PRKCE: variants seen among roughly 807,000 people sequenced by gnomAD.
PRKCE encodes the protein protein kinase C epsilon.
A neutral mutation model predicts 85.4 loss-of-function variants in PRKCE; 16 were observed. The observed-to-expected ratio is 0.19, with a 90% confidence interval of 0.13 to 0.28. The LOEUF (loss-of-function observed/expected upper bound fraction) is 0.28, where lower values mean the gene tolerates loss of function less well. PRKCE is among the 10% of genes least tolerant of loss of function. PRKCE has a pLI of 1.00. For synonymous variants in PRKCE, 388 were observed against 371.5 expected (o/e 1.04, Z -0.51); for missense variants, 573 against 975.2 (o/e 0.59, Z 5.49).
At chr2:45,992,450 C>A (rs1703879183) in intron 6 of PRKCE, among the ~76,000 whole-genome samples, 1 of 152,156 alleles carries the variant, frequency 6.6e-6, no homozygotes, top group Non-Finnish European at 1.5e-5. Context: ...TACCTCCTTT[C>A]TCCTCATTCT....
chr2:45,986,204 C>G (rs1703309578), intron 6 of PRKCE, among the ~76,000 whole-genome samples: 1 of 152,212 alleles, frequency 6.6e-6, no homozygotes, highest in African/African-American at 2.4e-5. Context: ...AGACACGAAA[C>G]ATGGGGTTGG....
At chr2:46,154,918 T>C (rs544265797) in intron 13 of PRKCE, among the ~76,000 whole-genome samples, 20 of 152,338 alleles carry the variant, frequency 1.3e-4, no homozygotes, top group Admixed American at 5.2e-4. Context: ...TTCCAGCTTA[T>C]TTCTCAGACG....
At chr2:45,946,263 A>G (rs923709978) in intron 2 of PRKCE, among the ~76,000 whole-genome samples, 3 of 152,346 alleles carry the variant, frequency 2.0e-5, no homozygotes, top group East Asian at 3.9e-4. Flanking sequence ...CCGGTCATCT[A>G]TGACTAACAG....
chr2:46,036,400 G>C (rs1227500428), intron 10 of PRKCE, among the ~76,000 whole-genome samples: 1 of 152,096 alleles, frequency 6.6e-6, no homozygotes, highest in African/African-American at 2.4e-5. Context: ...CATATAGTGA[G>C]ACCCCTATTT....
At chr2:45,888,024 G>A (rs1281003041) in intron 2 of PRKCE, among the ~76,000 whole-genome samples, 1 of 152,192 alleles carries the variant, frequency 6.6e-6, no homozygotes, top group Non-Finnish European at 1.5e-5. Flanking sequence ...TATCTCCCAT[G>A]ATCTGTGATC....
intron 2 of PRKCE, among the ~76,000 whole-genome samples, chr2:45,873,805 G>A (rs1230818304): frequency 1.3e-5 from 2 of 152,200 alleles, no homozygotes; most frequent in Admixed American, 6.5e-5. Context: ...GTCTTAAAGT[G>A]TGAGCCCAGC....
rs1704636991 is a variant in PRKCE at position 46,001,040 on chromosome 2, T to C, written c.824-364T>C. ...TGTGATGTCTTACACCAAGGACAAC[T>C]AAGTGAAGAGGGAAAAGCAAAGGAA... is the stretch of plus-strand genomic sequence containing the variant. On this transcript the variant is annotated intron_variant, in intron 6 of 14. Coordinates refer to ENST00000306156, the MANE Select transcript of PRKCE (RefSeq NM_005400.3). The surrounding 1 kb of genome is among the most constrained non-coding windows in gnomAD (Gnocchi z 4.4). 6.6e-6 allele frequency: 1 copy of C among 152,298 alleles called. No individual in the cohort carries two copies. The highest frequency in any genetic ancestry group is 1.5e-5 in the Non-Finnish European group (1 of 68,164). 9.4% of individuals were successfully genotyped at this position (152,298 alleles called of 1,614,324 possible).
intron 11 of PRKCE, among the ~76,000 whole-genome samples, chr2:46,091,618 C>T (rs1670177169): frequency 6.6e-6 from 1 of 152,212 alleles, no homozygotes; most frequent in African/African-American, 2.4e-5. Context: ...CCCATGTTTT[C>T]TGCCTGCATC....
intron 1 of PRKCE, among the ~76,000 whole-genome samples, chr2:45,799,559 G>A (rs2105168591): frequency 6.6e-6 from 1 of 152,206 alleles, no homozygotes; most frequent in Admixed American, 6.5e-5. Flanking sequence ...GCAAGACCCT[G>A]TCTCTAAAAG....
rs960241294 is a variant in PRKCE at position 46,008,527 on chromosome 2, C to G, written c.1263+866C>G. The stretch of plus-strand genomic sequence containing the variant: ...CTGAGAAGTTCTGGGAGGTCCTGCT[C>G]TGGGGACCAGGAAGCTCCTGGGATC... On this transcript the variant is annotated intron_variant, in intron 9 of 14. Coordinates refer to ENST00000306156, the MANE Select transcript of PRKCE (RefSeq NM_005400.3). Among the ~76,000 whole-genome samples, 3 of 152,256 alleles carry G rather than the reference C, an allele frequency of 2.0e-5. No homozygotes were observed. In the South Asian group the frequency reaches 6.2e-4, roughly 32 times the overall value.
intron 2 of PRKCE, among the ~76,000 whole-genome samples, chr2:45,899,731 T>C (rs1696430934): frequency 6.6e-6 from 1 of 152,148 alleles, no homozygotes; most frequent in Non-Finnish European, 1.5e-5. Flanking sequence ...GGCCCTGAAT[T>C]CTCTCTCAGA....
chr2:45,926,541 G>T (rs935123491), intron 2 of PRKCE, among the ~76,000 whole-genome samples: 11 of 152,166 alleles, frequency 7.2e-5, no homozygotes, highest in East Asian at 3.8e-4. Flanking sequence ...TTCCATACAG[G>T]TCATCTTATT....
chr2:46,156,952 A>G (rs1427135527), intron 13 of PRKCE, among the ~76,000 whole-genome samples: 1 of 152,224 alleles, frequency 6.6e-6, no homozygotes, highest in Admixed American at 6.5e-5. Context: ...ATACAAATAT[A>G]ACTTCTTATT....
At chr2:45,948,003 A>G (rs1700354641) in intron 2 of PRKCE, among the ~76,000 whole-genome samples, 1 of 152,204 alleles carries the variant, frequency 6.6e-6, no homozygotes, top group Admixed American at 6.5e-5. Context: ...CTGCCACCCC[A>G]TCCTAGACCA....
chr2:46,100,351 C>G (rs75751006), intron 11 of PRKCE, among the ~76,000 whole-genome samples: 102 of 151,954 alleles, frequency 6.7e-4, no homozygotes, highest in Non-Finnish European at 1.2e-3. Flanking sequence ...CTAATTTACC[C>G]AAAGTCCTCC....
intron 2 of PRKCE, among the ~76,000 whole-genome samples, chr2:45,941,513 C>T (rs1428662916): frequency 2.0e-5 from 3 of 152,158 alleles, no homozygotes; most frequent in Non-Finnish European, 4.4e-5. Context: ...TTAGACTCTG[C>T]AGCTCAGAGA....
At chr2:45,651,608 G>C (rs1213772661), upstream of PRKCE, 1 of 158,952 alleles carries the variant, frequency 6.3e-6, no homozygotes, top group Non-Finnish European at 1.4e-5. Flanking sequence ...AGAGGATCCG[G>C]GTTGAAATCT....
intron 1 of PRKCE, among the ~76,000 whole-genome samples, chr2:45,780,144 CTAAT>C (rs1686068581): frequency 6.6e-6 from 1 of 152,196 alleles, no homozygotes; most frequent in African/African-American, 2.4e-5. Flanking sequence ...CATCAAATAG[CTAAT>C]TAGTGTTCAA....
intron 1 of PRKCE, among the ~76,000 whole-genome samples, chr2:45,762,664 T>G (rs1001003836): frequency 6.6e-6 from 1 of 152,244 alleles, no homozygotes; most frequent in African/African-American, 2.4e-5. Flanking sequence ...TAGAGTTGCA[T>G]GGATAGCTTC....
Sources: gnomAD v4.1 joint callset for allele counts (sites outside exome capture counted in the v4.1 genomes callset) on GRCh38, gnomAD v4.1.1 for gene constraint, Gnocchi (gnomAD v3.1) non-coding constraint, MANE v1.5 for transcripts, NCBI Gene and HGNC (gene_info 2026-07-23, HGNC 2026-07-21) for gene names.